Variants in GALNT9 observed in about 807,000 individuals in gnomAD.
GALNT9 encodes the protein GalNAc transferase 9.
GALNT9 carries 47 observed loss-of-function variants against 63.1 expected under a neutral mutation model. The ratio of observed to expected loss-of-function variants is 0.75; its 90% CI spans 0.59 to 0.95. The LOEUF (loss-of-function observed/expected upper bound fraction) is 0.95, where lower values mean the gene tolerates loss of function less well. Ranked by LOEUF, GALNT9 falls within the 40% of genes least tolerant of loss-of-function variation. The probability of loss-of-function intolerance (pLI) is 0.00; values close to 1 mark genes in which losing one functional copy is unlikely to be tolerated. For missense variants in GALNT9, 829 were observed against 874.8 expected, an observed-to-expected ratio of 0.95 and a Z score of 0.66; for synonymous variants, 396 against 365.7, an observed-to-expected ratio of 1.08 and a Z score of -0.94.
At chr12:132,198,148 C>T (rs998865686) in intron 9 of GALNT9, among the ~76,000 whole-genome samples, 189 bp from the exon 10 acceptor site, 2 of 152,214 alleles carry the variant, frequency 1.3e-5, no homozygotes, top group South Asian at 4.1e-4. Flanking sequence ...GGGATGCGGG[C>T]TGGACGGCGC....
intron 1 of GALNT9, among the ~76,000 whole-genome samples, chr12:132,292,484 G>A (rs570602486): frequency 4.6e-5 from 7 of 152,276 alleles, no homozygotes; most frequent in African/African-American, 1.7e-4. Flanking sequence ...TGACTCCCTC[G>A]AGGGCCCTGC....
rs1879362814 is a variant in GALNT9 at position 132,261,037 on chromosome 12, T to C, written c.672A>G (p.Gly224=). ...VKIVRNSRRE[G]LIRARLQGWK... ...AGCCCTGCAGCCGCGCGCGGATCAG[T>C]CCTTCCCGCCGGCTGTTGCGGACAA... is the stretch of plus-strand genomic sequence containing the variant. The change falls in exon 4 of 11, where the codon GGA becomes GGG. Residue 224 remains glycine (G), a synonymous_variant. Coordinates refer to ENST00000328957, the MANE Select transcript of GALNT9 (RefSeq NM_001122636.2). 6.4e-7 allele frequency: 1 copy of C among 1,551,116 alleles called. No individual in the cohort carries two copies. Among genetic ancestry groups the C allele is most frequent in the African/African-American group, 1.4e-5 (1 of 73,026 alleles).
At chr12:132,267,066 G>T (rs540001528) in intron 2 of GALNT9, among the ~76,000 whole-genome samples, 5 of 152,198 alleles carry the variant, frequency 3.3e-5, no homozygotes, top group Non-Finnish European at 7.3e-5. Flanking sequence ...CTCTCTCCCC[G>T]AGGAGCAGTG....
chr12:132,226,604 C>A (rs1322357823), intron 6 of GALNT9, among the ~76,000 whole-genome samples: 4 of 146,404 alleles, frequency 2.7e-5, no homozygotes, highest in African/African-American at 1.0e-4. Context: ...ACCACACACC[C>A]CACACCCCAC....
intron 9 of GALNT9, among the ~76,000 whole-genome samples, 178 bp downstream of exon 9, chr12:132,198,996 C>T (rs1227759856): frequency 3.9e-5 from 6 of 151,952 alleles, no homozygotes; most frequent in South Asian, 4.1e-4. Context: ...CCAGGTGGGG[C>T]GGGCTGGGAG....
rs1555241501 is a variant in GALNT9 at position 132,279,337 on chromosome 12, TGG to T, written c.419+6911_419+6912del. 6.6e-6 allele frequency: 1 copy of T among 152,288 alleles called. No individual in the cohort carries two copies. The highest frequency in any genetic ancestry group is 1.5e-5 in the Non-Finnish European group (1 of 68,076). The allele number at this position is 152,288 out of a possible 1,614,324, so 9.4% of individuals were successfully genotyped here. On this transcript the variant is annotated intron_variant, in intron 2 of 10. Transcript: ENST00000328957. This position sits in a 1 kb window ranked among gnomAD's most constrained non-coding sequence, Gnocchi z 4.1. ...CTGAGACTTTTGCTTGCATGGTTGC[TGG>T]GACGGTCCAAAGTCCTCAGTGGGGA...
chr12:132,215,488 G>A (rs1877147213), intron 6 of GALNT9, among the ~76,000 whole-genome samples: 1 of 152,252 alleles, frequency 6.6e-6, no homozygotes, highest in African/African-American at 2.4e-5. Context: ...CCTCCAGGGA[G>A]GGCGTGCTTC....
At chr12:132,202,120 A>G (rs113185511) in intron 7 of GALNT9, among the ~76,000 whole-genome samples, 6,306 of 152,296 alleles carry the variant, frequency 0.041, 432 homozygotes, top group African/African-American at 0.14. Flanking sequence ...AGTGGGGACG[A>G]TCACGCCAGA....
intron 6 of GALNT9, among the ~76,000 whole-genome samples, chr12:132,203,948 A>AG (rs921896413): frequency 6.6e-6 from 1 of 151,872 alleles, no homozygotes; most frequent in African/African-American, 2.4e-5. Flanking sequence ...GGCTGTGGGG[A>AG]GGGGGGTTTA....
chr12:132,284,720 G>A (rs565908447), intron 2 of GALNT9: 29 of 152,420 alleles, frequency 1.9e-4, no homozygotes, highest in Admixed American at 9.8e-4. Context: ...AGCTGGGCAC[G>A]CCTCACTCGC....
chr12:132,309,995 T>C (rs1555245037), intron 1 of GALNT9, among the ~76,000 whole-genome samples: 2 of 152,222 alleles, frequency 1.3e-5, no homozygotes, highest in African/African-American at 4.8e-5. Flanking sequence ...CAACACCCAG[T>C]CAGCAAGACT....
chr12:132,290,068 C>T (rs571157814), intron 1 of GALNT9, among the ~76,000 whole-genome samples: 2 of 152,328 alleles, frequency 1.3e-5, no homozygotes, highest in Admixed American at 6.5e-5. Flanking sequence ...GCCAGCAGCA[C>T]CCACGTTCCT....
At position 132,315,391 on chromosome 12, in the gene GALNT9, C is replaced by G. The variant is rs967812591; in HGVS notation, c.238+13575G>C. Reference sequence around the variant, plus strand: ...TCCCCCGTGTCCACTGCAAAGTGCTCGAGCCTCAGAATATTAACAGGCATT... The same window carrying G: ...TCCCCCGTGTCCACTGCAAAGTGCTGGAGCCTCAGAATATTAACAGGCATT... On this transcript the variant is annotated intron_variant, in intron 1 of 10. Coordinates refer to ENST00000328957, the MANE Select transcript of GALNT9 (RefSeq NM_001122636.2). The surrounding 1 kb of genome is among the most constrained non-coding windows in gnomAD (Gnocchi z 6.1). 4.6e-5 allele frequency among the ~76,000 whole-genome samples: 7 copies of G among 151,506 alleles called. No homozygotes were observed. Among genetic ancestry groups the G allele is most frequent in the Non-Finnish European group, 7.4e-5 (5 of 67,932 alleles).
intron 6 of GALNT9, among the ~76,000 whole-genome samples, chr12:132,224,944 C>T (rs1247920767): frequency 4.0e-5 from 6 of 149,938 alleles, no homozygotes; most frequent in African/African-American, 9.8e-5. Flanking sequence ...ACAACCCACA[C>T]CCCACACACT....
rs376181130 is a variant in GALNT9, at chr12:132,315,265, T to C, written c.238+13701A>G. The stretch of plus-strand genomic sequence containing the variant: ...AGAATATAATCAGGGCGGCCTCCCC[T>C]GTGTCCACTGCAAAGTGCTCGAGCC... On this transcript the variant is annotated intron_variant, in intron 1 of 10. Coordinates refer to ENST00000328957, the MANE Select transcript of GALNT9 (RefSeq NM_001122636.2). This position sits in a 1 kb window ranked among gnomAD's most constrained non-coding sequence, Gnocchi z 6.1. Among the ~76,000 whole-genome samples, 975 of 118,294 alleles carry C rather than the reference T, an allele frequency of 8.2e-3. 12 individuals are homozygous for C. Among genetic ancestry groups the C allele is most frequent in the Middle Eastern group, 0.02 (4 of 204 alleles). The allele number at this position is 118,294 out of a possible 152,430, so 77.6% of individuals were successfully genotyped here.
intron 2 of GALNT9, among the ~76,000 whole-genome samples, chr12:132,267,734 GA>G (rs1421569296): frequency 1.5e-5 from 2 of 137,702 alleles, no homozygotes; most frequent in Non-Finnish European, 3.0e-5. Context: ...GGAAAATGGG[GA>G]AATACACAAG....
intron 2 of GALNT9, among the ~76,000 whole-genome samples, chr12:132,264,224 T>C (rs1002488647): frequency 6.6e-6 from 1 of 152,218 alleles, no homozygotes; most frequent in South Asian, 2.1e-4. Context: ...TGCAAGCTCA[T>C]GGCACAGGTT....
At chr12:132,202,533 T>C (rs1277460607) in intron 7 of GALNT9, among the ~76,000 whole-genome samples, 1 of 152,134 alleles carries the variant, frequency 6.6e-6, no homozygotes, top group Non-Finnish European at 1.5e-5. Flanking sequence ...GTGGGAAGTT[T>C]TAAGAAGTAG....
At chr12:132,201,329 G>A (rs1876085905) in intron 7 of GALNT9, 68 bp from the exon 8 acceptor site, 1 of 1,116,922 alleles carries the variant, frequency 9.0e-7, no homozygotes, top group Non-Finnish European at 1.3e-6. Flanking sequence ...CCCATAATGA[G>A]GTTGGGGGTC....
Sources: gnomAD v4.1 joint callset for allele counts (sites outside exome capture counted in the v4.1 genomes callset) on GRCh38, gnomAD v4.1.1 for gene constraint, Gnocchi (gnomAD v3.1) non-coding constraint, MANE v1.5 for transcripts, NCBI Gene and HGNC (gene_info 2026-07-23, HGNC 2026-07-21) for gene names.